The following LRRC20 variants were observed in gnomAD, a reference collection of about 807,000 sequenced individuals.
LRRC20 encodes leucine rich repeat containing 20, also known as leucine-rich repeat-containing protein 20.
LRRC20 carries 11 observed loss-of-function variants against 14.4 expected under a neutral mutation model. The observed-to-expected ratio is 0.77, with a 90% confidence interval of 0.48 to 1.27. The LOEUF (loss-of-function observed/expected upper bound fraction) is 1.27, where lower values mean the gene tolerates loss of function less well. Ranked by LOEUF, LRRC20 falls within the 50% of genes most tolerant of loss-of-function variation. The probability of loss-of-function intolerance (pLI) is 0.00; values close to 1 mark genes in which losing one functional copy is unlikely to be tolerated. For synonymous variants in LRRC20, 121 were observed against 107.3 expected, an observed-to-expected ratio of 1.13 and a Z score of -0.79; for missense variants, 219 against 251.2, an observed-to-expected ratio of 0.87 and a Z score of 0.87.
At chr10:70,304,329 GC>G (rs1048780229) in intron 4 of LRRC20, among the ~76,000 whole-genome samples, 20 of 152,008 alleles carry the variant, frequency 1.3e-4, no homozygotes, top group South Asian at 6.2e-4. Context: ...CCTCTCCTAG[GC>G]ACAAAATATT....
chr10:70,317,107 G>C (rs1347589574), intron 4 of LRRC20, among the ~76,000 whole-genome samples: 1 of 152,234 alleles, frequency 6.6e-6, no homozygotes, highest in East Asian at 1.9e-4. Flanking sequence ...CCCAGATCCA[G>C]GGGCAGGAGA....
intron 2 of LRRC20, among the ~76,000 whole-genome samples, chr10:70,369,467 G>A (rs1844174970): frequency 6.6e-6 from 1 of 152,104 alleles, no homozygotes; most frequent in African/African-American, 2.4e-5. Context: ...CAGGAGAGGA[G>A]GGAAGTTGAA....
At position 70,320,359 on chromosome 10, in the gene LRRC20, A is replaced by G. The variant is rs145228462; in HGVS notation, c.400+3504T>C. On this transcript the variant is annotated intron_variant, in intron 4 of 4. Transcript: ENST00000446961. ...GATAGATAGATAGATCTGTGCATGC[A>G]CATAGTAAAACTGAAATTAAAAGTT... is the stretch of plus-strand genomic sequence containing the variant. Among the ~76,000 whole-genome samples, 374 of 151,002 alleles carry G rather than the reference A, an allele frequency of 2.5e-3. 1 individual carries two copies. The highest frequency in any genetic ancestry group is 4.2e-3 in the South Asian group (20 of 4,780).
rs555666820 is a variant in LRRC20 at position 70,379,452 on chromosome 10, A to G, written c.-63-2856T>C. On this transcript the variant is annotated intron_variant, in intron 1 of 4. Coordinates refer to ENST00000446961, the MANE Select transcript of LRRC20 (RefSeq NM_001278212.2). ...CAGGTATCCTAAGTCCAAGCCTAGG[A>G]CTCTTCCCACCATTCCATGCTCCCT... Among the ~76,000 whole-genome samples, 185 of 152,114 alleles carry G rather than the reference A, an allele frequency of 1.2e-3. 1 individual carries two copies. The highest frequency in any genetic ancestry group is 3.2e-3 in the Admixed American group (49 of 15,254).
At chr10:70,316,520 T>G (rs1395284038) in intron 4 of LRRC20, among the ~76,000 whole-genome samples, 1 of 152,238 alleles carries the variant, frequency 6.6e-6, no homozygotes, top group East Asian at 1.9e-4. Context: ...TCCTGGACAG[T>G]TGGAGGTTTT....
At chr10:70,306,886 T>G (rs184464044) in intron 4 of LRRC20, among the ~76,000 whole-genome samples, 7 of 152,380 alleles carry the variant, frequency 4.6e-5, no homozygotes, top group East Asian at 1.9e-4. Context: ...GTATCTATTA[T>G]CAATATAGAC....
intron 4 of LRRC20, among the ~76,000 whole-genome samples, chr10:70,304,616 C>A (rs1215588977): frequency 6.6e-6 from 1 of 151,296 alleles, no homozygotes; most frequent in Admixed American, 6.6e-5. Context: ...TACAGTTCAG[C>A]AGCATGGACA....
chr10:70,372,072 G>T (rs1037915420), intron 2 of LRRC20, among the ~76,000 whole-genome samples: 1 of 151,426 alleles, frequency 6.6e-6, no homozygotes, highest in Non-Finnish European at 1.5e-5. Context: ...GCACCACCCC[G>T]GGAGGGAACC....
intron 4 of LRRC20, among the ~76,000 whole-genome samples, chr10:70,306,471 G>T (rs1335105163): frequency 1.3e-5 from 2 of 152,078 alleles, no homozygotes; most frequent in Non-Finnish European, 2.9e-5. Context: ...CTTTTTAAAA[G>T]TTCCTCATTT....
Position 70,304,977 on chromosome 10 carries a change from G to C in LRRC20, c.401-3469C>G, listed in dbSNP as rs141060311. ...AGGCAGGTGGATCACCTGAGGTCAG[G>C]AGTTCGAGACCAGCCTGACCAACAC... On this transcript the variant is annotated intron_variant, in intron 4 of 4. Transcript: ENST00000446961. Among the ~76,000 whole-genome samples, 1,282 of 152,276 alleles carry C rather than the reference G, an allele frequency of 8.4e-3. 19 individuals carry two copies. The highest frequency in any genetic ancestry group is 0.03 in the African/African-American group (1,233 of 41,538).
chr10:70,379,542 A>G (rs1844629706), intron 1 of LRRC20, among the ~76,000 whole-genome samples: 1 of 152,188 alleles, frequency 6.6e-6, no homozygotes, highest in Non-Finnish European at 1.5e-5. Context: ...CCTAGGTATG[A>G]GGGATAAGAA....
Position 70,301,500 on chromosome 10 carries a change from C to G in LRRC20, c.409G>C (p.Val137Leu). The change falls in exon 5 of 5, where the codon GTG (valine) becomes CTG (leucine). Residue 137 changes from valine to leucine, a missense_variant. By Grantham distance (32) the Val-to-Leu change is conservative. Coordinates refer to ENST00000446961, the MANE Select transcript of LRRC20 (RefSeq NM_001278212.2). ...LEENEIVDVP[V>L]EKLAAMPALR... The stretch of plus-strand genomic sequence containing the variant: ...GCTGGCATGGCGGCCAGCTTCTCCA[C>G]GGGCACATCTATTGGGGACAGAATG... The G allele has an allele frequency of 6.2e-7, 1 of 1,613,896 alleles. No homozygotes were observed. Among genetic ancestry groups the G allele is most frequent in the Non-Finnish European group, 8.5e-7 (1 of 1,179,958 alleles).
intron 2 of LRRC20, among the ~76,000 whole-genome samples, chr10:70,371,212 C>A (rs543787232): frequency 8.5e-5 from 13 of 152,054 alleles, no homozygotes; most frequent in African/African-American, 3.1e-4. Context: ...TCATGGCTCA[C>A]CGCAGCCTCA....
At chr10:70,362,685 T>C (rs1843783301) in intron 2 of LRRC20, among the ~76,000 whole-genome samples, 1 of 152,218 alleles carries the variant, frequency 6.6e-6, no homozygotes, top group African/African-American at 2.4e-5. Context: ...AGTGCCAGGC[T>C]TGGCCCCTTA....
chr10:70,365,765 G>T (rs1843964143), intron 2 of LRRC20, among the ~76,000 whole-genome samples: 1 of 152,118 alleles, frequency 6.6e-6, no homozygotes, highest in South Asian at 2.1e-4. Context: ...TTCGAATAGA[G>T]ATTTAATCAA....
At chr10:70,304,801 G>A (rs1425931000) in intron 4 of LRRC20, among the ~76,000 whole-genome samples, 2 of 151,990 alleles carry the variant, frequency 1.3e-5, no homozygotes, top group African/African-American at 4.8e-5. Flanking sequence ...TTGCCTTTTT[G>A]TGACGGGCTT....
At chr10:70,366,500 A>T (rs550902130) in intron 2 of LRRC20, among the ~76,000 whole-genome samples, 1 of 152,312 alleles carries the variant, frequency 6.6e-6, no homozygotes, top group South Asian at 2.1e-4. Flanking sequence ...AATTAAAACT[A>T]CAATGATACA....
intron 2 of LRRC20, 105 bp from the exon 3 acceptor site, chr10:70,340,807 T>C (rs1449380452): frequency 7.4e-6 from 9 of 1,221,604 alleles, no homozygotes; most frequent in African/African-American, 1.5e-5. Context: ...TCCAGCCTCC[T>C]TGCCCTCCCA....
intron 4 of LRRC20, among the ~76,000 whole-genome samples, chr10:70,304,020 C>A (rs557780765): frequency 6.6e-5 from 10 of 151,892 alleles, no homozygotes; most frequent in Admixed American, 6.6e-4. Context: ...ATGTGAATTT[C>A]GCCTCAGTTT....
Sources: allele counts gnomAD v4.1 joint callset (sites outside exome capture counted in the v4.1 genomes callset), GRCh38; gene constraint gnomAD v4.1.1; transcripts MANE v1.5; gene names NCBI Gene and HGNC (gene_info 2026-07-23, HGNC 2026-07-21).